The following TENT5D variants were observed in gnomAD, a reference collection of about 807,000 sequenced individuals.
TENT5D encodes terminal nucleotidyltransferase 5D.
For missense variants in TENT5D, 191 were observed against 287.0 expected (o/e 0.67, Z 2.42); for synonymous variants, 103 against 100.6 (o/e 1.02, Z -0.15).
exon 3 of TENT5D, chrX:80,445,238 T>C: frequency 8.0e-6 from 1 of 124,617 alleles, no homozygotes. Flanking sequence ...ACCCTGAGGC[T>C]TTAAAACACT....
intron 3 of TENT5D, among the ~76,000 whole-genome samples, chrX:80,397,799 C>T (rs929175918): frequency 8.9e-6 from 1 of 112,320 alleles, no homozygotes; most frequent in Non-Finnish European, 1.9e-5. Flanking sequence ...CGTGGCGGCG[C>T]GCGCCTGCAA....
At chrX:80,412,382 C>G (rs1931689157) in intron 3 of TENT5D, among the ~76,000 whole-genome samples, 1 of 112,743 alleles carries the variant, frequency 8.9e-6, no homozygotes, top group Non-Finnish European at 1.9e-5. Context: ...GGGATTAACA[C>G]TAGGCTCCTT....
At chrX:80,362,260 T>C (rs1178297347) in intron 3 of TENT5D, among the ~76,000 whole-genome samples, 1 of 110,966 alleles carries the variant, frequency 9.0e-6, no homozygotes, top group African/African-American at 3.3e-5. Flanking sequence ...GCTTCCTGGG[T>C]TCACACCATT....
At chrX:80,353,078 A>G (rs1380690176) in intron 3 of TENT5D, among the ~76,000 whole-genome samples, 2 of 112,112 alleles carry the variant, frequency 1.8e-5, no homozygotes, top group Admixed American at 9.5e-5. Context: ...TGCCTTCTGC[A>G]TTGGTCTCCC....
At chrX:80,365,767 G>C (rs1325385283) in intron 3 of TENT5D, among the ~76,000 whole-genome samples, 1 of 109,258 alleles carries the variant, frequency 9.2e-6, no homozygotes, top group African/African-American at 3.3e-5. Context: ...CTTGAACCCG[G>C]GAGGCAGAGG....
At chrX:80,431,909 T>C (rs1455025787) in intron 1 of TENT5D, among the ~76,000 whole-genome samples, 3 of 111,271 alleles carry the variant, frequency 2.7e-5, no homozygotes, top group Admixed American at 9.6e-5. Flanking sequence ...GAGGGGATAG[T>C]TGCTTGGGGA....
intron 3 of TENT5D, among the ~76,000 whole-genome samples, chrX:80,349,246 T>A (rs541434923): frequency 8.9e-6 from 1 of 111,990 alleles, no homozygotes; most frequent in African/African-American, 3.2e-5. Context: ...CCAGCTCCTC[T>A]TTGTACCTCT....
chrX:80,378,807 C>A (rs1243457401), intron 3 of TENT5D, among the ~76,000 whole-genome samples: 1 of 108,079 alleles, frequency 9.3e-6, no homozygotes, highest in East Asian at 2.9e-4. Context: ...TTTTTCCTAT[C>A]TGCAAACAGA....
In TENT5D at chrX:80,411,376, C is replaced by CAA. The variant is rs1284619665; in HGVS notation, c.-141-27232_-141-27231dup. Among the ~76,000 whole-genome samples the CAA allele has an allele frequency of 2.7e-5, 3 of 112,042 alleles. No homozygotes were observed. The Admixed American group carries it at 2.8e-4, about 11-fold the overall frequency. The stretch of plus-strand genomic sequence containing the variant: ...CCCTTTAATTATAGACAAATTGACA[C>CAA]AAATCATTTACTACATGCTTGAACT... On this transcript the variant is annotated intron_variant, in intron 3 of 4. Transcript: ENST00000538312.
At chrX:80,444,624 T>G (rs1162716398) in exon 3 of TENT5D, 1 of 122,707 alleles carries the variant, frequency 8.1e-6, no homozygotes, top group Non-Finnish European at 1.9e-5. Flanking sequence ...AAAAACATCT[T>G]TATGTTGAGA....
intron 3 of TENT5D, among the ~76,000 whole-genome samples, chrX:80,390,394 A>G (rs1931101282): frequency 8.9e-6 from 1 of 111,875 alleles, no homozygotes; most frequent in Non-Finnish European, 1.9e-5. Flanking sequence ...TAGTAGTGTT[A>G]TTCTCTAGGC....
chrX:80,397,475 G>A (rs377150866), intron 3 of TENT5D, among the ~76,000 whole-genome samples: 3 of 102,493 alleles, frequency 2.9e-5, no homozygotes, highest in African/African-American at 7.2e-5. Flanking sequence ...GGCTCCTCAC[G>A]TCCCAGACGA....
At chrX:80,336,167 T>C (rs190871031) in intron 2 of TENT5D, among the ~76,000 whole-genome samples, 64 of 111,628 alleles carry the variant, frequency 5.7e-4, no homozygotes, top group Admixed American at 5.2e-3. Context: ...CTAAGGAATT[T>C]AACAAGTTTG....
At chrX:80,404,825 G>A (rs1931450690) in intron 3 of TENT5D, among the ~76,000 whole-genome samples, 1 of 111,819 alleles carries the variant, frequency 8.9e-6, no homozygotes, top group Non-Finnish European at 1.9e-5. Flanking sequence ...CATACAGAAA[G>A]TTACATGGAT....
At chrX:80,374,597 AAAGGTGTTGATAGTTTTGCCATGC>A (rs1329506098) in intron 3 of TENT5D, among the ~76,000 whole-genome samples, 1 of 110,958 alleles carries the variant, frequency 9.0e-6, no homozygotes, top group Non-Finnish European at 1.9e-5. Context: ...CATGATCAGT[AAAGGTGTTGATAGTTTTGCCATGC>A]AAAAGTTTAA....
At chrX:80,433,935 G>A (rs184503611) in intron 1 of TENT5D, among the ~76,000 whole-genome samples, 2 of 109,878 alleles carry the variant, frequency 1.8e-5, no homozygotes, top group African/African-American at 6.6e-5. Flanking sequence ...AGGAGTCTGA[G>A]ATCAGCCTGG....
At chrX:80,443,342 T>C in exon 3 of TENT5D, 1 of 1,211,120 alleles carries the variant, frequency 8.3e-7, no homozygotes, top group Non-Finnish European at 1.1e-6. Flanking sequence ...AGATTCTTTA[T>C]TGATTTTCCT....
chrX:80,395,764 C>T (rs769832352), intron 3 of TENT5D, among the ~76,000 whole-genome samples: 1 of 108,635 alleles, frequency 9.2e-6, no homozygotes, highest in East Asian at 2.9e-4. Flanking sequence ...TATATTCATC[C>T]TACAGTGGCG....
At chrX:80,369,519 A>G (rs1040096622) in intron 3 of TENT5D, among the ~76,000 whole-genome samples, 1 of 112,118 alleles carries the variant, frequency 8.9e-6, no homozygotes, top group South Asian at 3.7e-4. Context: ...AGGAAACTTT[A>G]TATGTCAATT....
Sources: gnomAD v4.1 joint callset for allele counts (sites outside exome capture counted in the v4.1 genomes callset) on GRCh38, gnomAD v4.1.1 for gene constraint, MANE v1.5 for transcripts, NCBI Gene and HGNC (gene_info 2026-07-23, HGNC 2026-07-21) for gene names.